Variants in TMEFF2 observed in about 807,000 individuals in gnomAD.
The protein encoded by TMEFF2 is transmembrane protein with EGF like and two follistatin like domains 2.
TMEFF2 carries 28 observed loss-of-function variants against 53.8 expected under a neutral mutation model. The ratio of observed to expected loss-of-function variants is 0.52; its 90% CI spans 0.39 to 0.71. The LOEUF (loss-of-function observed/expected upper bound fraction) is 0.71. TMEFF2 is among the 30% of genes least tolerant of loss of function. The pLI is 0.00. For missense variants in TMEFF2, 353 were observed against 455.2 expected (o/e 0.78, Z 2.04); for synonymous variants, 162 against 166.3 (o/e 0.97, Z 0.20).
chr2:191,964,390 CTT>C (rs772218971), intron 7 of TMEFF2, among the ~76,000 whole-genome samples: 3,905 of 32,044 alleles, frequency 0.12, 89 homozygotes, highest in Non-Finnish European at 0.14. Context: ...TTCTTTCTTT[CTT>C]TCTTTCTCTT....
intron 3 of TMEFF2, among the ~76,000 whole-genome samples, chr2:192,183,240 G>A (rs1559161630): frequency 6.6e-6 from 1 of 151,832 alleles, no homozygotes. Context: ...CAGAAACTTG[G>A]GTAGTCACCA....
intron 5 of TMEFF2, among the ~76,000 whole-genome samples, chr2:192,033,397 G>A (rs530440142): frequency 6.6e-6 from 1 of 152,182 alleles, no homozygotes; most frequent in Non-Finnish European, 1.5e-5. Context: ...ACTCAGGAAG[G>A]TTAAGAAATT....
chr2:192,067,195 T>G (rs1046971100), intron 4 of TMEFF2, among the ~76,000 whole-genome samples: 5 of 151,858 alleles, frequency 3.3e-5, no homozygotes, highest in African/African-American at 7.2e-5. Context: ...CATCATTGTA[T>G]GCTAAGAGGA....
Position 192,039,407 on chromosome 2 carries a change from A to G in TMEFF2, c.536+18272T>C, listed in dbSNP as rs144403468. 1.5e-3 allele frequency among the ~76,000 whole-genome samples: 228 copies of G among 152,186 alleles called. 6 individuals are homozygous for G. The East Asian group carries it at 0.04, about 26-fold the overall frequency. ...TGGATATGTTGCTATTGCTTTGTACATTTTTCTCTTTGCTTCTCATTTGTG... is the reference window on the plus strand; with the variant it reads ...TGGATATGTTGCTATTGCTTTGTACGTTTTTCTCTTTGCTTCTCATTTGTG... On this transcript the variant is annotated intron_variant, in intron 5 of 9. Transcript: ENST00000272771.
rs535137745 is a variant in TMEFF2, at chr2:192,155,504, T to G, written c.439+24164A>C. ...TTTATCCAACTTAGACTCTTCAAGA[T>G]AGGCATTAGTTTGTATCCAAAAGAG... On this transcript the variant is annotated intron_variant, in intron 4 of 9. Coordinates refer to ENST00000272771, the MANE Select transcript of TMEFF2 (RefSeq NM_016192.4). Among the ~76,000 whole-genome samples, 5 of 152,096 alleles carry G rather than the reference T, an allele frequency of 3.3e-5. No individual in the cohort carries two copies. In the South Asian group the frequency reaches 1.0e-3, roughly 32 times the overall value.
At chr2:192,012,887 T>C (rs1260954231) in intron 5 of TMEFF2, among the ~76,000 whole-genome samples, 1 of 152,138 alleles carries the variant, frequency 6.6e-6, no homozygotes, top group Non-Finnish European at 1.5e-5. Context: ...TTAAAAATAC[T>C]CCTCCTTGAT....
At chr2:192,097,230 T>C (rs995284351) in intron 4 of TMEFF2, among the ~76,000 whole-genome samples, 1 of 152,234 alleles carries the variant, frequency 6.6e-6, no homozygotes, top group African/African-American at 2.4e-5. Context: ...ACTTACTACA[T>C]TGTGCACAGC....
At chr2:192,184,833 T>C (rs2106040873) in intron 2 of TMEFF2, among the ~76,000 whole-genome samples, 1 of 152,160 alleles carries the variant, frequency 6.6e-6, no homozygotes, top group East Asian at 1.9e-4. Context: ...ATGGAAAAAA[T>C]TAAAATACAG....
rs373330243 is a variant in TMEFF2 at position 192,080,098 on chromosome 2, T to C, written c.440-22323A>G. ...TTAAGGCATATTAGCTCACATCAAT[T>C]AGACCACATTATAACAAAATAATTT... On this transcript the variant is annotated intron_variant, in intron 4 of 9. Transcript: ENST00000272771. Among the ~76,000 whole-genome samples, 5 of 152,316 alleles carry C rather than the reference T, an allele frequency of 3.3e-5. No homozygotes were observed. In the East Asian group the frequency reaches 5.8e-4, roughly 18 times the overall value.
chr2:191,959,189 A>G (rs983694845), intron 7 of TMEFF2, among the ~76,000 whole-genome samples: 8 of 152,160 alleles, frequency 5.3e-5, no homozygotes, highest in African/African-American at 1.7e-4. Flanking sequence ...AAGAGGTTTA[A>G]TGTAAGGGTT....
chr2:191,950,348 G>C lies in TMEFF2; in HGVS notation c.1088C>G (p.Ser363Ter). Residue 363 changes from serine to a stop codon, truncating the protein, a stop_gained, in exon 10 of 10, where the codon TCA (serine) becomes TGA (stop). Transcript: ENST00000272771. LOFTEE classifies it high-confidence loss of function. ...CGTGGACGCTCTTGTTGTATTGTCTGAACTGTAGTGCCCTGTATTTTGCTT... is the reference window on the plus strand; with the variant it reads ...CGTGGACGCTCTTGTTGTATTGTCTCAACTGTAGTGCCCTGTATTTTGCTT... ...RQKQNTGHYS[S>*]DNTTRASTRL... 1 of 1,613,760 alleles carries C rather than the reference G, an allele frequency of 6.2e-7. No homozygotes were observed. The highest frequency in any genetic ancestry group is 1.1e-5 in the South Asian group (1 of 91,058).
chr2:191,997,155 G>A (rs1190158495), intron 7 of TMEFF2, among the ~76,000 whole-genome samples: 2 of 151,772 alleles, frequency 1.3e-5, no homozygotes, highest in East Asian at 3.9e-4. Flanking sequence ...CTTTGGGAAT[G>A]GCTATACATT....
intron 5 of TMEFF2, among the ~76,000 whole-genome samples, chr2:192,026,507 T>G (rs1303544028): frequency 1.3e-5 from 2 of 152,210 alleles, no homozygotes; most frequent in Non-Finnish European, 2.9e-5. Context: ...CCAAGTGCAG[T>G]GGCTTTTACT....
chr2:191,975,269 T>TC (rs1299702427), intron 7 of TMEFF2, among the ~76,000 whole-genome samples: 1 of 138,066 alleles, frequency 7.2e-6, no homozygotes, highest in African/African-American at 2.5e-5. Flanking sequence ...TTTCTTCTTT[T>TC]TTTTTTTTTT....
At chr2:192,184,616 G>T in intron 2 of TMEFF2, 133 bp from the exon 3 acceptor site, 1 of 1,172,028 alleles carries the variant, frequency 8.5e-7, no homozygotes, top group Non-Finnish European at 1.2e-6. Context: ...TGTCCAATAA[G>T]TCTTTATAAG....
intron 4 of TMEFF2, among the ~76,000 whole-genome samples, chr2:192,075,288 T>TAC (rs1688385112): frequency 5.3e-4 from 3 of 5,640 alleles, no homozygotes; most frequent in South Asian, 0.019. Flanking sequence ...AGTACTATTA[T>TAC]ATATATATAT....
At chr2:191,990,088 C>T (rs1336615357) in intron 7 of TMEFF2, among the ~76,000 whole-genome samples, 3 of 152,096 alleles carry the variant, frequency 2.0e-5, no homozygotes, top group Non-Finnish European at 4.4e-5. Context: ...GCACTGATTA[C>T]TACATTCTTG....
At chr2:192,022,944 A>T (rs1204371780) in intron 5 of TMEFF2, among the ~76,000 whole-genome samples, 1 of 152,176 alleles carries the variant, frequency 6.6e-6, no homozygotes, top group African/African-American at 2.4e-5. Flanking sequence ...ACTAAGTATT[A>T]TGTTTGATTT....
chr2:192,134,405 T>G (rs1321672677), intron 4 of TMEFF2, among the ~76,000 whole-genome samples: 1 of 152,198 alleles, frequency 6.6e-6, no homozygotes, highest in Non-Finnish European at 1.5e-5. Flanking sequence ...TTGATGGCAG[T>G]TCCACCAGGC....
Sources: gnomAD v4.1 joint callset for allele counts (sites outside exome capture counted in the v4.1 genomes callset) on GRCh38, gnomAD v4.1.1 for gene constraint, MANE v1.5 for transcripts, NCBI Gene and HGNC (gene_info 2026-07-23, HGNC 2026-07-21) for gene names.